SGCZ: variants seen among roughly 807,000 people sequenced by gnomAD.
The protein encoded by SGCZ is zeta-sarcoglycan.
A neutral mutation model predicts 41.3 loss-of-function variants in SGCZ; 40 were observed. That is an observed-to-expected ratio of 0.97 (90% CI 0.75 to 1.26). SGCZ has a LOEUF of 1.26. Ranked by LOEUF, SGCZ falls within the 50% of genes most tolerant of loss-of-function variation. The pLI is 0.00. For synonymous variants in SGCZ, 206 were observed against 137.5 expected, an observed-to-expected ratio of 1.50 and a Z score of -3.49; for missense variants, 552 against 369.8, an observed-to-expected ratio of 1.49 and a Z score of -4.04.
intron 2 of SGCZ, among the ~76,000 whole-genome samples, chr8:14,401,570 G>A (rs1430426862): frequency 6.6e-6 from 1 of 150,536 alleles, no homozygotes; most frequent in East Asian, 2.0e-4. Context: ...AGTTTACTGA[G>A]AATGATGATT....
chr8:15,086,547 G>A (rs1214118541), intron 1 of SGCZ, among the ~76,000 whole-genome samples: 3 of 152,066 alleles, frequency 2.0e-5, no homozygotes, highest in Non-Finnish European at 2.9e-5. Flanking sequence ...TATTTGAAGT[G>A]ATAGATCAGC....
At chr8:15,195,389 G>A (rs1301450865) in intron 1 of SGCZ, among the ~76,000 whole-genome samples, 1 of 152,130 alleles carries the variant, frequency 6.6e-6, no homozygotes, top group East Asian at 1.9e-4. Context: ...ACTGCCAAAT[G>A]CTTGCTGCTG....
intron 4 of SGCZ, among the ~76,000 whole-genome samples, chr8:14,233,644 A>T (rs901273254): frequency 6.7e-6 from 1 of 149,414 alleles, no homozygotes; most frequent in Non-Finnish European, 1.5e-5. Context: ...TAATAAAACA[A>T]ATTTCACAAA....
At chr8:15,091,603 A>G (rs867641936) in intron 1 of SGCZ, among the ~76,000 whole-genome samples, 2 of 152,212 alleles carry the variant, frequency 1.3e-5, no homozygotes, top group African/African-American at 4.8e-5. Context: ...TCTATCACAC[A>G]TCCTTCCACA....
chr8:14,483,566 G>A (rs13267243), intron 2 of SGCZ, among the ~76,000 whole-genome samples: 137,801 of 152,216 alleles, frequency 0.91, 63,742 homozygotes, highest in East Asian at 1. Context: ...GTGACACCCT[G>A]TCTCAGAAAC....
intron 1 of SGCZ, among the ~76,000 whole-genome samples, chr8:15,117,257 G>C (rs1807302967): frequency 6.6e-6 from 1 of 152,002 alleles, no homozygotes; most frequent in South Asian, 2.1e-4. Context: ...TACTCAGGGA[G>C]CTGAGGCAGG....
At chr8:14,956,933 A>G (rs1800812054) in intron 1 of SGCZ, among the ~76,000 whole-genome samples, 1 of 152,098 alleles carries the variant, frequency 6.6e-6, no homozygotes, top group African/African-American at 2.4e-5. Context: ...TTTTTCTCAA[A>G]CAAACTTGGC....
intron 1 of SGCZ, among the ~76,000 whole-genome samples, chr8:14,573,582 A>G (rs2117237612): frequency 6.6e-6 from 1 of 152,228 alleles, no homozygotes; most frequent in East Asian, 1.9e-4. Flanking sequence ...TCCAAACAGT[A>G]TCTTTCTACT....
At chr8:14,619,035 T>G (rs1264477500) in intron 1 of SGCZ, among the ~76,000 whole-genome samples, 1 of 152,136 alleles carries the variant, frequency 6.6e-6, no homozygotes, top group Non-Finnish European at 1.5e-5. Flanking sequence ...GGCAATATGT[T>G]GGTATACTCT....
At chr8:14,422,680 T>G (rs1799667022) in intron 2 of SGCZ, among the ~76,000 whole-genome samples, 1 of 152,200 alleles carries the variant, frequency 6.6e-6, no homozygotes, top group Non-Finnish European at 1.5e-5. Context: ...TGTGGGGAGA[T>G]GTAGATGAGC....
chr8:14,507,407 A>C (rs151141519), intron 2 of SGCZ, among the ~76,000 whole-genome samples: 1 of 152,068 alleles, frequency 6.6e-6, no homozygotes, highest in African/African-American at 2.4e-5. Flanking sequence ...CATCCACTGA[A>C]GTCTACCTGT....
intron 1 of SGCZ, among the ~76,000 whole-genome samples, chr8:14,810,772 T>A (rs1297917039): frequency 6.6e-6 from 1 of 152,020 alleles, no homozygotes; most frequent in Non-Finnish European, 1.5e-5. Context: ...GTAAACACTA[T>A]AAATTCAGGT....
At chr8:14,978,126 A>T (rs1801540947) in intron 1 of SGCZ, among the ~76,000 whole-genome samples, 1 of 151,774 alleles carries the variant, frequency 6.6e-6, no homozygotes, top group Non-Finnish European at 1.5e-5. Context: ...ATGTCTTTGC[A>T]TTTTTATGTT....
At chr8:15,147,695 A>G (rs1799073574) in intron 1 of SGCZ, among the ~76,000 whole-genome samples, 1 of 152,214 alleles carries the variant, frequency 6.6e-6, no homozygotes, top group African/African-American at 2.4e-5. Context: ...TCACAGCCAG[A>G]TAAGACTGAG....
chr8:14,857,651 G>T (rs1193349769), intron 1 of SGCZ, among the ~76,000 whole-genome samples: 2 of 152,208 alleles, frequency 1.3e-5, no homozygotes, highest in South Asian at 2.1e-4. Context: ...ATTGCTTGAG[G>T]TCAGGAGTTT....
chr8:14,940,583 A>C (rs1353013837), intron 1 of SGCZ, among the ~76,000 whole-genome samples: 1 of 152,184 alleles, frequency 6.6e-6, no homozygotes, highest in African/African-American at 2.4e-5. Flanking sequence ...TAAAGATTTA[A>C]ACATATAAAC....
intron 5 of SGCZ, among the ~76,000 whole-genome samples, chr8:14,118,508 G>A (rs1401860219): frequency 1.3e-5 from 2 of 152,112 alleles, no homozygotes; most frequent in Non-Finnish European, 2.9e-5. Flanking sequence ...CCATTCTGTA[G>A]GTTGCCTGTT....
At chr8:14,287,695 A>C (rs1383100195) in intron 3 of SGCZ, among the ~76,000 whole-genome samples, 3 of 152,048 alleles carry the variant, frequency 2.0e-5, no homozygotes, top group Non-Finnish European at 2.9e-5. Context: ...ATATTTTCAA[A>C]AGTTCTTCAG....
chr8:14,507,842 G>A (rs1802353500), intron 2 of SGCZ, among the ~76,000 whole-genome samples: 1 of 149,932 alleles, frequency 6.7e-6, no homozygotes. Flanking sequence ...CGCGATCTCA[G>A]CTTACCGCAA....
Sources: allele counts gnomAD v4.1 joint callset (sites outside exome capture counted in the v4.1 genomes callset), GRCh38; gene constraint gnomAD v4.1.1; transcripts MANE v1.5; gene names NCBI Gene and HGNC (gene_info 2026-07-23, HGNC 2026-07-21).